CACNA2D3: variants seen among roughly 807,000 people sequenced by gnomAD.
The protein encoded by CACNA2D3 is voltage-dependent calcium channel subunit alpha-2/delta-3.
CACNA2D3 carries 60 observed loss-of-function variants against 160.6 expected under a neutral mutation model. That is an observed-to-expected ratio of 0.37 (90% CI 0.30 to 0.46). The LOEUF is 0.46. Ranked by LOEUF, CACNA2D3 falls within the 20% of genes least tolerant of loss-of-function variation. The probability of loss-of-function intolerance (pLI) is 1.00; values close to 1 mark genes in which losing one functional copy is unlikely to be tolerated. For missense variants in CACNA2D3, 1,205 were observed against 1,365.0 expected (o/e 0.88, Z 1.85); for synonymous variants, 558 against 492.9 (o/e 1.13, Z -1.75).
intron 2 of CACNA2D3, among the ~76,000 whole-genome samples, chr3:54,294,046 C>T (rs1382155044): frequency 2.0e-5 from 3 of 152,102 alleles, no homozygotes; most frequent in African/African-American, 7.2e-5. Context: ...GTTTACATTA[C>T]GTTAAAGCTG....
At chr3:54,809,077 A>ATG (rs1703212827) in intron 13 of CACNA2D3, among the ~76,000 whole-genome samples, 1 of 152,112 alleles carries the variant, frequency 6.6e-6, no homozygotes, top group Non-Finnish European at 1.5e-5. Flanking sequence ...TAGAGTTCAG[A>ATG]GACGCTATAT....
chr3:54,948,857 C>T (rs925127029), intron 27 of CACNA2D3, among the ~76,000 whole-genome samples: 1 of 152,174 alleles, frequency 6.6e-6, no homozygotes, highest in Non-Finnish European at 1.5e-5. Flanking sequence ...CCACCAAACT[C>T]AGATTGGTTT....
At chr3:54,370,065 C>T (rs1253029288) in intron 3 of CACNA2D3, among the ~76,000 whole-genome samples, 1 of 152,164 alleles carries the variant, frequency 6.6e-6, no homozygotes, top group Non-Finnish European at 1.5e-5. Flanking sequence ...ATGGGAAAAT[C>T]ATTTTTGGAA....
chr3:54,824,560 C>T (rs777528590), intron 14 of CACNA2D3, among the ~76,000 whole-genome samples: 7 of 152,194 alleles, frequency 4.6e-5, no homozygotes, highest in Non-Finnish European at 8.8e-5. Context: ...AGGAGCCCAT[C>T]GCTCTTAAGA....
At chr3:54,176,675 A>T (rs1236799198) in intron 2 of CACNA2D3, among the ~76,000 whole-genome samples, 1 of 152,000 alleles carries the variant, frequency 6.6e-6, no homozygotes, top group Non-Finnish European at 1.5e-5. Flanking sequence ...ATACAAAAAC[A>T]TTTTCTTTTG....
intron 31 of CACNA2D3, among the ~76,000 whole-genome samples, chr3:54,999,760 T>C (rs776643023): frequency 2.2e-4 from 33 of 152,212 alleles, no homozygotes; most frequent in Non-Finnish European, 4.0e-4. Flanking sequence ...AAATGCAGCC[T>C]GCTAATTCTT....
intron 10 of CACNA2D3, among the ~76,000 whole-genome samples, chr3:54,629,473 C>G (rs1449720660): frequency 6.6e-6 from 1 of 152,054 alleles, no homozygotes; most frequent in Non-Finnish European, 1.5e-5. Flanking sequence ...AGTGTCATGA[C>G]TGCAGAGGAG....
intron 13 of CACNA2D3, among the ~76,000 whole-genome samples, chr3:54,779,355 T>C (rs1469552963): frequency 1.3e-5 from 2 of 152,172 alleles, no homozygotes; most frequent in Admixed American, 1.3e-4. Context: ...CACCTTGGCC[T>C]CCCGAAGTGC....
intron 9 of CACNA2D3, among the ~76,000 whole-genome samples, chr3:54,600,555 C>T (rs1703042191): frequency 6.6e-6 from 1 of 152,174 alleles, no homozygotes; most frequent in African/African-American, 2.4e-5. Context: ...TTCTCATTAG[C>T]ATTCCACTCA....
chr3:54,554,852 T>C (rs1296154944), intron 5 of CACNA2D3, among the ~76,000 whole-genome samples: 1 of 147,902 alleles, frequency 6.8e-6, no homozygotes, highest in Non-Finnish European at 1.5e-5. Flanking sequence ...TTATTTCTTT[T>C]CTTTTCTCTC....
chr3:54,861,787 C>T (rs1026254812), intron 17 of CACNA2D3, among the ~76,000 whole-genome samples: 3 of 152,198 alleles, frequency 2.0e-5, no homozygotes, highest in African/African-American at 4.8e-5. Context: ...GCCTGGCTCA[C>T]GCCACTTTCT....
Position 54,596,760 on chromosome 3 carries a change from G to T in CACNA2D3, c.963+14883G>T, listed in dbSNP as rs1702962684. The stretch of plus-strand genomic sequence containing the variant: ...TTCTTAAAACCAGACCATTGCATAT[G>T]TTCTTTTCCCTTCTCTGGAACGCGC... On this transcript the variant is annotated intron_variant, in intron 9 of 37. Coordinates refer to ENST00000474759, the MANE Select transcript of CACNA2D3 (RefSeq NM_018398.3). Among the ~76,000 whole-genome samples the T allele has an allele frequency of 2.0e-5, 3 of 152,234 alleles. No individual in the cohort carries two copies. In the South Asian group the frequency reaches 6.2e-4, roughly 32 times the overall value.
At chr3:54,345,970 A>G (rs183459732) in intron 3 of CACNA2D3, among the ~76,000 whole-genome samples, 18 of 152,198 alleles carry the variant, frequency 1.2e-4, no homozygotes, top group African/African-American at 4.1e-4. Flanking sequence ...CTCCCATGCC[A>G]GGATTTATAG....
intron 4 of CACNA2D3, among the ~76,000 whole-genome samples, chr3:54,483,013 C>T (rs1700958347): frequency 6.6e-6 from 1 of 152,134 alleles, no homozygotes; most frequent in Non-Finnish European, 1.5e-5. Context: ...TTCCCACCAC[C>T]TTAACATGTC....
chr3:54,972,098 G>T (rs540094625), intron 29 of CACNA2D3, among the ~76,000 whole-genome samples: 2 of 152,280 alleles, frequency 1.3e-5, no homozygotes, highest in African/African-American at 4.8e-5. Context: ...ATACACTTTG[G>T]GCAAGTGACA....
At position 54,535,327 on chromosome 3, in the gene CACNA2D3, G is replaced by A. The variant is rs1309940121; in HGVS notation, c.545-27473G>A. 2.0e-5 allele frequency among the ~76,000 whole-genome samples: 3 copies of A among 152,208 alleles called. No individual in the cohort carries two copies. The South Asian group carries it at 6.2e-4, about 31-fold the overall frequency. ...ATTTAGGACTCACTGCTTTAAAATA[G>A]TGCCTCAAATAAAGTAAGTTCTAAG... On this transcript the variant is annotated intron_variant, in intron 5 of 37. Transcript: ENST00000474759.
At chr3:54,195,720 C>T (rs566063102) in intron 2 of CACNA2D3, among the ~76,000 whole-genome samples, 23 of 152,148 alleles carry the variant, frequency 1.5e-4, no homozygotes, top group African/African-American at 5.5e-4. Flanking sequence ...TGTGGTGCAG[C>T]GTTGGGTTTT....
chr3:54,498,812 C>T (rs1382536331), intron 4 of CACNA2D3, among the ~76,000 whole-genome samples: 2 of 151,814 alleles, frequency 1.3e-5, no homozygotes, highest in Non-Finnish European at 2.9e-5. Context: ...TCCAATTTCC[C>T]ATGTCATTTT....
intron 5 of CACNA2D3, among the ~76,000 whole-genome samples, chr3:54,548,207 C>T (rs1702096202): frequency 6.6e-6 from 1 of 152,226 alleles, no homozygotes; most frequent in Non-Finnish European, 1.5e-5. Flanking sequence ...TCCTGCCCAA[C>T]ACCTGTGTGA....
Sources: gnomAD v4.1 joint callset for allele counts (sites outside exome capture counted in the v4.1 genomes callset) on GRCh38, gnomAD v4.1.1 for gene constraint, MANE v1.5 for transcripts, NCBI Gene and HGNC (gene_info 2026-07-23, HGNC 2026-07-21) for gene names.